Variants in SMIM23 observed in about 807,000 individuals in gnomAD.
The protein encoded by SMIM23 is CTB-78H18.1.
In SMIM23, 10 loss-of-function variants were observed where a neutral mutation model predicts 12.8. That is an observed-to-expected ratio of 0.78 (90% CI 0.48 to 1.32). SMIM23 has a LOEUF of 1.32. Ranked by LOEUF, SMIM23 falls within the 40% of genes most tolerant of loss-of-function variation. The pLI is 0.00. For synonymous variants in SMIM23, 78 were observed against 80.1 expected, an observed-to-expected ratio of 0.97 and a Z score of 0.14; for missense variants, 184 against 198.2, an observed-to-expected ratio of 0.93 and a Z score of 0.43.
At chr5:171,778,486 CACACACAGAT>C (rs747800611), upstream of SMIM23, among the ~76,000 whole-genome samples, 7,709 of 145,360 alleles carry the variant, frequency 0.053, 267 homozygotes, top group East Asian at 0.094. Flanking sequence ...CACACACACA[CACACACAGAT>C]AGAGACAGAG....
upstream of SMIM23, among the ~76,000 whole-genome samples, chr5:171,784,244 G>A (rs541539145): frequency 2.0e-4 from 31 of 152,248 alleles, no homozygotes; most frequent in South Asian, 3.3e-3. Context: ...AGTGGCTCAC[G>A]CCTGTAATCC....
At chr5:171,776,699 C>T in the SMIM23 span, among the ~76,000 whole-genome samples, 5 of 152,202 alleles carry the variant, frequency 3.3e-5, no homozygotes, top group Admixed American at 6.5e-5. Flanking sequence ...TGGGCTGTCA[C>T]GTCTCAAAAT....
At chr5:171,790,750 C>T in intron 3 of SMIM23, 45 bp from the exon 4 acceptor site, 1 of 1,532,446 alleles carries the variant, frequency 6.5e-7, no homozygotes, top group East Asian at 2.4e-5. Context: ...GAGGAGGGTC[C>T]TATCTGAGAA....
intron 1 of SMIM23, among the ~76,000 whole-genome samples, chr5:171,788,992 A>C (rs775598273): frequency 2.6e-5 from 4 of 152,214 alleles, no homozygotes; most frequent in Non-Finnish European, 5.9e-5. Context: ...GGCACCGGCC[A>C]CCATGGCCAG....
At chr5:171,786,367 C>T (rs546903957) in intron 1 of SMIM23, among the ~76,000 whole-genome samples, 1 of 152,146 alleles carries the variant, frequency 6.6e-6, no homozygotes. Context: ...TGTGGGATTT[C>T]GTCAAAATGG....
chr5:171,772,670 C>T, the SMIM23 span, among the ~76,000 whole-genome samples: 34 of 152,270 alleles, frequency 2.2e-4, no homozygotes, highest in East Asian at 5.8e-4. Context: ...CTCCTGAGAA[C>T]GCCACAAAAG....
chr5:171,778,467 A>T (rs937093067), upstream of SMIM23, among the ~76,000 whole-genome samples: 8 of 148,250 alleles, frequency 5.4e-5, no homozygotes, highest in South Asian at 4.3e-4. Flanking sequence ...ACACACACAC[A>T]CACACACACA....
the SMIM23 span, chr5:171,774,668 C>T: frequency 2.2e-6 from 1 of 451,860 alleles, no homozygotes; most frequent in East Asian, 7.0e-5. Context: ...GGCTCGCCCA[C>T]AAATCCCAGG....
At chr5:171,782,866 C>T (rs1371403228), upstream of SMIM23, 1 of 152,144 alleles carries the variant, frequency 6.6e-6, no homozygotes, top group East Asian at 1.9e-4. Flanking sequence ...AATTAATAGC[C>T]TAGAGAAGCT....
At chr5:171,782,187 G>A (rs57864377), upstream of SMIM23, among the ~76,000 whole-genome samples, 22,707 of 152,220 alleles carry the variant, frequency 0.15, 2,162 homozygotes, top group Non-Finnish European at 0.21. Context: ...TGAAGTCAGC[G>A]AGACGGTGAA....
At chr5:171,773,844 A>G in the SMIM23 span, 1 of 456,318 alleles carries the variant, frequency 2.2e-6, no homozygotes, top group African/African-American at 2.0e-5. Context: ...CCTAATTTTT[A>G]AGACAACTTA....
upstream of SMIM23, among the ~76,000 whole-genome samples, chr5:171,780,256 T>A (rs1157209877): frequency 1.3e-5 from 2 of 152,170 alleles, no homozygotes; most frequent in Non-Finnish European, 1.5e-5. Flanking sequence ...TCACATTGAC[T>A]TGCTCCCTAA....
the SMIM23 span, among the ~76,000 whole-genome samples, chr5:171,773,224 G>T: frequency 6.6e-6 from 1 of 152,162 alleles, no homozygotes; most frequent in Non-Finnish European, 1.5e-5. Context: ...TGTAGAATGC[G>T]GACATTGACC....
At chr5:171,784,477 C>T (rs1328182066), upstream of SMIM23, among the ~76,000 whole-genome samples, 3 of 151,844 alleles carry the variant, frequency 2.0e-5, no homozygotes, top group African/African-American at 7.3e-5. Flanking sequence ...TGCACTCCAG[C>T]TTGGGCGACA....
chr5:171,783,491 G>A (rs1755760902), upstream of SMIM23, among the ~76,000 whole-genome samples: 2 of 152,144 alleles, frequency 1.3e-5, no homozygotes, highest in African/African-American at 4.8e-5. Flanking sequence ...AATGGTCCTG[G>A]AGCAACTGGA....
chr5:171,789,295 A>G (rs1755879394), intron 1 of SMIM23, among the ~76,000 whole-genome samples: 1 of 152,246 alleles, frequency 6.6e-6, no homozygotes, highest in South Asian at 2.1e-4. Context: ...TTAAAACACA[A>G]TTAATGCAAT....
At chr5:171,785,058 C>T (rs1755789533), upstream of SMIM23, among the ~76,000 whole-genome samples, 1 of 152,122 alleles carries the variant, frequency 6.6e-6, no homozygotes, top group African/African-American at 2.4e-5. Flanking sequence ...AGGCAGCAGC[C>T]ATCACGAAGC....
chr5:171,787,036 T>C lies in SMIM23; in HGVS notation c.105+1060T>C, dbSNP rs6149342. On this transcript the variant is annotated intron_variant, in intron 1 of 3. Coordinates refer to ENST00000523047, the MANE Select transcript of SMIM23 (RefSeq NM_001289970.2). ...TTTTTTTTTTTTTTTTTTTTTTTTT[T>C]CTGAGACGGAGCCTCGCTCTGTCAC... Among the ~76,000 whole-genome samples, 46 of 93,422 alleles carry C rather than the reference T, an allele frequency of 4.9e-4. 1 individual carries two copies. In the South Asian group the frequency reaches 0.011, roughly 22 times the overall value. 61.3% of individuals were successfully genotyped at this position (93,422 alleles called of 152,430 possible). A position where few individuals can be genotyped will look rare whatever the true frequency, so the allele number is the denominator to read the frequency against.
chr5:171,773,825 G>A, the SMIM23 span: 1 of 456,234 alleles, frequency 2.2e-6, no homozygotes, highest in Non-Finnish European at 4.4e-6. Context: ...TAGATTGTAT[G>A]AGAAAGCTCC....
Sources: gnomAD v4.1 joint callset for allele counts (sites outside exome capture counted in the v4.1 genomes callset) on GRCh38, gnomAD v4.1.1 for gene constraint, MANE v1.5 for transcripts, NCBI Gene and HGNC (gene_info 2026-07-23, HGNC 2026-07-21) for gene names.